The following CARM1 variants were observed in gnomAD, a reference collection of about 807,000 sequenced individuals.
CARM1 encodes the protein coactivator associated arginine methyltransferase 1.
CARM1 carries 14 observed loss-of-function variants against 72.7 expected under a neutral mutation model. The ratio of observed to expected loss-of-function variants is 0.19; its 90% CI spans 0.13 to 0.30. The LOEUF is 0.30. Among genes scored for constraint, CARM1 ranks in the 10% least tolerant of loss-of-function variants. The pLI is 1.00. For synonymous variants in CARM1, 333 were observed against 345.5 expected (o/e 0.96, Z 0.40); for missense variants, 432 against 833.7 (o/e 0.52, Z 5.93).
At chr19:10,895,230 A>G (rs1031097400) in intron 1 of CARM1, among the ~76,000 whole-genome samples, 3 of 151,998 alleles carry the variant, frequency 2.0e-5, no homozygotes, top group Non-Finnish European at 4.4e-5. Context: ...TCAGCCTCCC[A>G]AGTAGCTGGG....
In CARM1 at chr19:10,916,294, G is replaced by A. The variant is rs1360189718; in HGVS notation, c.848-113G>A. 4.3e-6 allele frequency: 3 copies of A among 698,530 alleles called. No homozygotes were observed. The highest frequency in any genetic ancestry group is 2.1e-5 in the Admixed American group (1 of 47,238). 43.3% of individuals were successfully genotyped at this position (698,530 alleles called of 1,614,324 possible). On this transcript the variant is annotated intron_variant, in intron 6 of 15. Coordinates refer to ENST00000327064, the MANE Select transcript of CARM1 (RefSeq NM_199141.2). This position sits in a 1 kb window ranked among gnomAD's most constrained non-coding sequence, Gnocchi z 4.4. Reference sequence around the variant, plus strand: ...TGTCACAGGAGTGCAGGAACGAATGGATGACAGGCTGGGAGCACCCAGGGT... The same window carrying A: ...TGTCACAGGAGTGCAGGAACGAATGAATGACAGGCTGGGAGCACCCAGGGT...
chr19:10,920,353 T>G lies in CARM1; in HGVS notation c.1197-83T>G. The G allele has an allele frequency of 6.7e-7, 1 of 1,493,250 alleles. No individual in the cohort carries two copies. The highest frequency in any genetic ancestry group is 9.1e-7 in the Non-Finnish European group (1 of 1,102,050). The allele number at this position is 1,493,250 out of a possible 1,614,324, so 92.5% of individuals were successfully genotyped here. On this transcript the variant is annotated intron_variant, in intron 10 of 15. Coordinates refer to ENST00000327064, the MANE Select transcript of CARM1 (RefSeq NM_199141.2). The surrounding 1 kb of genome is among the most constrained non-coding windows in gnomAD (Gnocchi z 5.3). Reference sequence around the variant, plus strand: ...GTCCCTGGCAGAGGGGGCAGGTGCTTGGGGAGGACTCAAGGCATACAAGGT... The same window carrying G: ...GTCCCTGGCAGAGGGGGCAGGTGCTGGGGGAGGACTCAAGGCATACAAGGT...
intron 1 of CARM1, among the ~76,000 whole-genome samples, chr19:10,879,089 C>T (rs1308227007): frequency 6.6e-6 from 1 of 152,104 alleles, no homozygotes; most frequent in East Asian, 1.9e-4. Context: ...TTACAGGCCA[C>T]TGCCCCAGGC....
At chr19:10,899,498 G>A (rs2145213495) in intron 1 of CARM1, among the ~76,000 whole-genome samples, 1 of 152,314 alleles carries the variant, frequency 6.6e-6, no homozygotes, top group East Asian at 1.9e-4. Flanking sequence ...CTCTGTGGGT[G>A]TAGTGAGGCT....
chr19:10,898,425 C>G (rs1332570774), intron 1 of CARM1, among the ~76,000 whole-genome samples: 1 of 152,238 alleles, frequency 6.6e-6, no homozygotes, highest in African/African-American at 2.4e-5. Flanking sequence ...AGCCTGTCCC[C>G]CACCTCTCCA....
In CARM1 at chr19:10,920,611, G is replaced by A. The variant is rs1276601591; in HGVS notation, c.1334+38G>A. The A allele has an allele frequency of 6.2e-7, 1 of 1,613,842 alleles. No homozygotes were observed. The highest frequency in any genetic ancestry group is 2.2e-5 in the East Asian group (1 of 44,882). On this transcript the variant is annotated intron_variant, in intron 11 of 15. Transcript: ENST00000327064. The surrounding 1 kb of genome is among the most constrained non-coding windows in gnomAD (Gnocchi z 5.3). ...CCTGGGGCTGGTGGTGGTGGGCAGGGGTCCATCTGCCCAGCAGCTCATGCC... is the reference window on the plus strand; with the variant it reads ...CCTGGGGCTGGTGGTGGTGGGCAGGAGTCCATCTGCCCAGCAGCTCATGCC...
Position 10,871,935 on chromosome 19 carries a change from C to T in CARM1, c.220+13C>T. 10 of 1,182,950 alleles carry T rather than the reference C, an allele frequency of 8.5e-6. No individual in the cohort carries two copies. Among genetic ancestry groups the T allele is most frequent in the African/African-American group, 1.6e-5 (1 of 62,254 alleles). 73.3% of individuals were successfully genotyped at this position (1,182,950 alleles called of 1,614,324 possible). A position where few individuals can be genotyped will look rare whatever the true frequency, so the allele number is the denominator to read the frequency against. On this transcript the variant is annotated intron_variant, in intron 1 of 15. Coordinates refer to ENST00000327064, the MANE Select transcript of CARM1 (RefSeq NM_199141.2). This position sits in a 1 kb window ranked among gnomAD's most constrained non-coding sequence, Gnocchi z 5.6. ...GCCCTCTACAGCCGTGAGTACGGGG[C>T]CCCGGGGCAGGCGCAGGGCCGGGGC...
rs561739991 is a variant in CARM1 at position 10,918,773 on chromosome 19, C to T, written c.1021-822C>T. Among the ~76,000 whole-genome samples, 3 of 152,280 alleles carry T rather than the reference C, an allele frequency of 2.0e-5. No individual in the cohort carries two copies. The East Asian group carries it at 5.8e-4, about 29-fold the overall frequency. ...AAAGGTCGAGGTGGCCGTTTTCTGCCCTCCCCATGGGGAAAAGGTAGAGGC... is the reference window on the plus strand; with the variant it reads ...AAAGGTCGAGGTGGCCGTTTTCTGCTCTCCCCATGGGGAAAAGGTAGAGGC... On this transcript the variant is annotated intron_variant, in intron 8 of 15. Transcript: ENST00000327064.
intron 6 of CARM1, among the ~76,000 whole-genome samples, chr19:10,914,782 C>CT (rs1399516778): frequency 2.0e-5 from 3 of 152,176 alleles, no homozygotes; most frequent in African/African-American, 7.2e-5. Context: ...TCACGAACTC[C>CT]TGACCTCAGG....
Position 10,905,095 on chromosome 19 carries a change from A to G in CARM1, c.346+19A>G, listed in dbSNP as rs7257708. The G allele has an allele frequency of 6.2e-7, 1 of 1,611,024 alleles. No homozygotes were observed. The highest frequency in any genetic ancestry group is 1.1e-5 in the South Asian group (1 of 90,966). Reference sequence around the variant, plus strand: ...CCCAACGGTACGTGGCCCTCCTTCCATTCCGGTGACACCAGCCCAAAGCGC... The same window carrying G: ...CCCAACGGTACGTGGCCCTCCTTCCGTTCCGGTGACACCAGCCCAAAGCGC... On this transcript the variant is annotated intron_variant, in intron 2 of 15. Coordinates refer to ENST00000327064, the MANE Select transcript of CARM1 (RefSeq NM_199141.2).
intron 4 of CARM1, among the ~76,000 whole-genome samples, chr19:10,910,051 G>C (rs1017487649): frequency 6.6e-6 from 1 of 152,076 alleles, no homozygotes; most frequent in African/African-American, 2.4e-5. Context: ...TGTGATTGGG[G>C]TACTGCTCTC....
At position 10,872,435 on chromosome 19, in the gene CARM1, C is replaced by T. The variant is rs562265925; in HGVS notation, c.220+513C>T. On this transcript the variant is annotated intron_variant, in intron 1 of 15. Transcript: ENST00000327064. ...GCTGGTCTGGGGCGCCCGCGAGTACCGAGTTCCACCGCTGTGCGAGGTGTG... is the reference window on the plus strand; with the variant it reads ...GCTGGTCTGGGGCGCCCGCGAGTACTGAGTTCCACCGCTGTGCGAGGTGTG... Among the ~76,000 whole-genome samples the T allele has an allele frequency of 1.1e-4, 16 of 152,212 alleles. No individual in the cohort carries two copies. The South Asian group carries it at 3.3e-3, about 32-fold the overall frequency.
At chr19:10,884,269 A>G (rs1279697935) in intron 1 of CARM1, among the ~76,000 whole-genome samples, 2 of 150,960 alleles carry the variant, frequency 1.3e-5, no homozygotes, top group Non-Finnish European at 3.0e-5. Flanking sequence ...TGAACCCAGG[A>G]GATGGAGGTT....
In CARM1 at chr19:10,912,870, G is replaced by T. The variant is rs1310174784; in HGVS notation, c.669+576G>T. On this transcript the variant is annotated intron_variant, in intron 5 of 15. Transcript: ENST00000327064. This position sits in a 1 kb window ranked among gnomAD's most constrained non-coding sequence, Gnocchi z 4.5. Reference sequence around the variant, plus strand: ...CGCAGCGACACTCAGACTCCTTCCAGGTCTTCACGTGGCCAACGCTGCTGT... The same window carrying T: ...CGCAGCGACACTCAGACTCCTTCCATGTCTTCACGTGGCCAACGCTGCTGT... 6.6e-6 allele frequency among the ~76,000 whole-genome samples: 1 copy of T among 152,162 alleles called. No individual in the cohort carries two copies. Among genetic ancestry groups the T allele is most frequent in the Non-Finnish European group, 1.5e-5 (1 of 68,028 alleles).
chr19:10,898,200 G>C (rs574123092), intron 1 of CARM1, among the ~76,000 whole-genome samples: 15 of 152,014 alleles, frequency 9.9e-5, no homozygotes, highest in Non-Finnish European at 1.9e-4. Context: ...CCAGCTACTC[G>C]GGAGGCTGAG....
At chr19:10,921,286 C>G (rs1022382039) in intron 14 of CARM1, 89 bp from the exon 15 acceptor site, 4 of 1,515,422 alleles carry the variant, frequency 2.6e-6, no homozygotes, top group Non-Finnish European at 3.6e-6. Context: ...CTCTCTGCCT[C>G]GCTCTGCAGC....
At chr19:10,909,464 G>A (rs1244342240) in intron 4 of CARM1, among the ~76,000 whole-genome samples, 2 of 151,514 alleles carry the variant, frequency 1.3e-5, no homozygotes, top group African/African-American at 2.4e-5. Context: ...GGCCAGGCGC[G>A]GTGGCTCACG....
At chr19:10,874,800 T>C (rs1424535994) in intron 1 of CARM1, among the ~76,000 whole-genome samples, 4 of 152,288 alleles carry the variant, frequency 2.6e-5, no homozygotes, top group Non-Finnish European at 5.9e-5. Flanking sequence ...GGCAGGCGAA[T>C]CACTTGAGGT....
intron 1 of CARM1, among the ~76,000 whole-genome samples, chr19:10,883,501 C>T (rs1334569676): frequency 6.6e-6 from 1 of 152,214 alleles, no homozygotes; most frequent in Non-Finnish European, 1.5e-5. Context: ...GCAGGGCGGA[C>T]CCTCAGCAGC....
Sources: allele counts gnomAD v4.1 joint callset (sites outside exome capture counted in the v4.1 genomes callset), GRCh38; gene constraint gnomAD v4.1.1; non-coding constraint Gnocchi (gnomAD v3.1); transcripts MANE v1.5; gene names NCBI Gene and HGNC (gene_info 2026-07-23, HGNC 2026-07-21).